SLC22A13: variants seen among roughly 807,000 people sequenced by gnomAD.
SLC22A13 encodes the protein organic anion transporter 10.
A neutral mutation model predicts 49.1 loss-of-function variants in SLC22A13; 42 were observed. That is an observed-to-expected ratio of 0.85 (90% confidence interval 0.67 to 1.11). The LOEUF is 1.11. Among genes scored for constraint, SLC22A13 ranks in the 50% least tolerant of loss-of-function variants. The probability of loss-of-function intolerance (pLI) is 0.00; values close to 1 mark genes in which losing one functional copy is unlikely to be tolerated. For missense variants in SLC22A13, 694 were observed against 712.8 expected (o/e 0.97, Z 0.30); for synonymous variants, 282 against 293.1 (o/e 0.96, Z 0.39).
At chr3:38,270,622 T>A (rs1454375666) in intron 1 of SLC22A13, 3 of 168,932 alleles carry the variant, frequency 1.8e-5, no homozygotes, top group African/African-American at 7.1e-5. Flanking sequence ...CAAGAGCATA[T>A]GGCTCTCCAC....
At position 38,267,862 on chromosome 3, in the gene SLC22A13, C is replaced by A. The variant is rs564100569; in HGVS notation, c.378+1624C>A. ...AATGTTGCTAGAGAAGAGGGGAAGG[C>A]CTCTGCAGGTGGAGAATAAGAATAG... On this transcript the variant is annotated intron_variant, in intron 1 of 9. Transcript: ENST00000311856. Among the ~76,000 whole-genome samples the A allele has an allele frequency of 1.8e-3, 276 of 152,120 alleles. 1 individual carries two copies. Among genetic ancestry groups the A allele is most frequent in the Non-Finnish European group, 3.2e-3 (215 of 68,002 alleles).
At chr3:38,274,955 G>T (rs1703561087) in intron 3 of SLC22A13, 34 bp from the exon 4 acceptor site, 2 of 1,609,118 alleles carry the variant, frequency 1.2e-6, no homozygotes, top group East Asian at 2.2e-5. Flanking sequence ...GAATGGCAGG[G>T]ATTAGCCCTG....
chr3:38,276,330 G>A lies in SLC22A13; in HGVS notation c.1281G>A (p.Met427Ile). Residue 427 changes from methionine to isoleucine, a missense_variant, in exon 8 of 10, where the codon ATG (methionine) becomes ATA (isoleucine). Transcript: ENST00000311856. ...VVTMLAVVGK[M>I]ATAAAFTISY... The stretch of plus-strand genomic sequence containing the variant: ...CCATGCTGGCTGTGGTGGGGAAGAT[G>A]GCCACAGCTGCTGCCTTTACCATCT... 19 of 1,613,822 alleles carry A rather than the reference G, an allele frequency of 1.2e-5. No homozygotes were observed. Among genetic ancestry groups the A allele is most frequent in the Non-Finnish European group, 1.5e-5 (18 of 1,179,886 alleles).
chr3:38,275,904 T>G lies in SLC22A13; in HGVS notation c.1045T>G (p.Tyr349Asp). Residue 349 changes from tyrosine to aspartate, a missense_variant, in exon 7 of 10, where the codon TAC becomes GAC. Physicochemically the swap from Tyr to Asp is radical, Grantham distance 160. Coordinates refer to ENST00000311856, the MANE Select transcript of SLC22A13 (RefSeq NM_004256.4). ...TAGGTTTGTGGACAGTCTGGGGTAC[T>G]ACGGCCTGAGCCTCCAAGTGGGGGA... ...CVWFVDSLGY[Y>D]GLSLQVGDFG... 1 of 1,614,238 alleles carries G rather than the reference T, an allele frequency of 6.2e-7. No homozygotes were observed. The highest frequency in any genetic ancestry group is 1.3e-5 in the African/African-American group (1 of 75,070).
intron 1 of SLC22A13, among the ~76,000 whole-genome samples, chr3:38,272,991 T>C (rs959255615): frequency 6.6e-6 from 1 of 152,206 alleles, no homozygotes; most frequent in Non-Finnish European, 1.5e-5. Context: ...GGGAAGTTGA[T>C]AATAAGTGAA....
chr3:38,270,182 G>A (rs1169775038), intron 1 of SLC22A13: 2 of 152,140 alleles, frequency 1.3e-5, no homozygotes, highest in African/African-American at 4.8e-5. Flanking sequence ...AAACATACTT[G>A]TGCATGTGTC....
At chr3:38,267,240 G>A (rs1471449777) in intron 1 of SLC22A13, among the ~76,000 whole-genome samples, 1 of 152,176 alleles carries the variant, frequency 6.6e-6, no homozygotes, top group Non-Finnish European at 1.5e-5. Flanking sequence ...TTTAATGTGT[G>A]ACCATAAAAC....
intron 3 of SLC22A13, 63 bp from the exon 4 acceptor site, chr3:38,274,926 T>C: frequency 1.9e-6 from 3 of 1,591,720 alleles, no homozygotes; most frequent in Non-Finnish European, 2.6e-6. Flanking sequence ...CAGGGTGGCA[T>C]CTAGGAGTAA....
Position 38,266,211 on chromosome 3 carries a change from G to A in SLC22A13, c.351G>A (p.Glu117=). ...GTGATATGGGCTGGGAATATCCTGA[G>A]AACAGGCTCCCATCCCTGAAGAATG... ...QPCDMGWEYP[E]NRLPSLKNEF... The change falls in exon 1 of 10, where the codon GAG becomes GAA. Residue 117 remains glutamate, a synonymous_variant. Coordinates refer to ENST00000311856, the MANE Select transcript of SLC22A13 (RefSeq NM_004256.4). The A allele has an allele frequency of 6.2e-7, 1 of 1,614,132 alleles. No homozygotes were observed. Among genetic ancestry groups the A allele is most frequent in the Non-Finnish European group, 8.5e-7 (1 of 1,179,966 alleles).
intron 1 of SLC22A13, among the ~76,000 whole-genome samples, chr3:38,269,279 A>T (rs904378265): frequency 5.3e-5 from 8 of 150,968 alleles, no homozygotes; most frequent in Non-Finnish European, 1.0e-4. Flanking sequence ...TTTTTTTGAG[A>T]CAGGGTCTTG....
Position 38,277,705 on chromosome 3 carries a change from A to C in SLC22A13, c.*240A>C. On this transcript the variant is annotated 3_prime_UTR_variant, in exon 10 of 10. Transcript: ENST00000311856. ...TCATCTCCAGAGCCCTGCCCCCAAT[A>C]CTCTGTCTGGGTTAGGATCTTGGGT... 1 of 428,376 alleles carries C rather than the reference A, an allele frequency of 2.3e-6. No individual in the cohort carries two copies. The highest frequency in any genetic ancestry group is 3.8e-5 in the Admixed American group (1 of 26,188). 26.5% of individuals were successfully genotyped at this position (428,376 alleles called of 1,614,324 possible).
chr3:38,269,026 C>A (rs542523440), intron 1 of SLC22A13, among the ~76,000 whole-genome samples: 1 of 152,306 alleles, frequency 6.6e-6, no homozygotes, highest in African/African-American at 2.4e-5. Flanking sequence ...AGCAGCTTAA[C>A]AATTAGCATT....
intron 9 of SLC22A13, 121 bp downstream of exon 9, chr3:38,277,248 C>A: frequency 9.0e-7 from 1 of 1,108,778 alleles, no homozygotes. Flanking sequence ...ATGGGGTCCT[C>A]CAGAACCACA....
At chr3:38,266,281 T>C in intron 1 of SLC22A13, 43 bp downstream of exon 1, 1 of 1,589,748 alleles carries the variant, frequency 6.3e-7, no homozygotes, top group Non-Finnish European at 8.6e-7. Flanking sequence ...GTTGTGGGTC[T>C]GTCAGGTCTT....
chr3:38,269,825 C>T (rs1259204803), intron 1 of SLC22A13, among the ~76,000 whole-genome samples: 6 of 151,682 alleles, frequency 4.0e-5, no homozygotes, highest in Non-Finnish European at 8.8e-5. Flanking sequence ...ATTAACTCGT[C>T]ATTTAGCATT....
At position 38,274,590 on chromosome 3, in the gene SLC22A13, C is replaced by T; in HGVS notation, c.483-14C>T. 1.2e-6 allele frequency: 2 copies of T among 1,612,142 alleles called. No homozygotes were observed. Among genetic ancestry groups the T allele is most frequent in the Non-Finnish European group, 1.7e-6 (2 of 1,179,156 alleles). ...GGGAGGGACCCTCCCCACAGACCTG[C>T]CCTGTTTCCTCAGGATTGGCCGCAA... On this transcript the variant is annotated splice_polypyrimidine_tract_variant and intron_variant, in intron 2 of 9. Coordinates refer to ENST00000311856, the MANE Select transcript of SLC22A13 (RefSeq NM_004256.4).
At chr3:38,272,972 T>C (rs1391353123) in intron 1 of SLC22A13, among the ~76,000 whole-genome samples, 1 of 152,348 alleles carries the variant, frequency 6.6e-6, no homozygotes, top group Admixed American at 6.5e-5. Context: ...GCTTAAACTT[T>C]CCTTTCTCGG....
At chr3:38,268,317 G>A (rs779582848) in intron 1 of SLC22A13, among the ~76,000 whole-genome samples, 1 of 152,172 alleles carries the variant, frequency 6.6e-6, no homozygotes, top group South Asian at 2.1e-4. Context: ...ATGTTCTTAA[G>A]TGTTCTCCCC....
Position 38,276,910 on chromosome 3 carries a change from A to G in SLC22A13, c.1347-2A>G. 1 of 1,612,960 alleles carries G rather than the reference A, an allele frequency of 6.2e-7. No individual in the cohort carries two copies. The highest frequency in any genetic ancestry group is 1.1e-5 in the South Asian group (1 of 90,826). On this transcript the variant is annotated splice_acceptor_variant, in intron 8 of 9. Transcript: ENST00000311856. LOFTEE classifies it high-confidence loss of function. ...ACTTAGCTTGCCCTGGTCTTCCCCCAGGCAGACAGGCATGGGGCTGGTGGG... is the reference window on the plus strand; with the variant it reads ...ACTTAGCTTGCCCTGGTCTTCCCCCGGGCAGACAGGCATGGGGCTGGTGGG...
Sources: gnomAD v4.1 joint callset for allele counts (sites outside exome capture counted in the v4.1 genomes callset) on GRCh38, gnomAD v4.1.1 for gene constraint, MANE v1.5 for transcripts, NCBI Gene and HGNC (gene_info 2026-07-23, HGNC 2026-07-21) for gene names.